The following PIGU variants were observed in gnomAD, a reference collection of about 807,000 sequenced individuals.
PIGU encodes phosphatidylinositol glycan anchor biosynthesis class U, also known as GPI-anchor transamidase component PIGU.
A neutral mutation model predicts 49.9 loss-of-function variants in PIGU; 24 were observed. The observed-to-expected ratio is 0.48, with a 90% confidence interval of 0.35 to 0.68. PIGU has a LOEUF of 0.68. Ranked by LOEUF, PIGU falls within the 30% of genes least tolerant of loss-of-function variation. The pLI is 0.01. For synonymous variants in PIGU, 220 were observed against 205.7 expected (o/e 1.07, Z -0.59); for missense variants, 490 against 532.6 (o/e 0.92, Z 0.79).
intron 7 of PIGU, among the ~76,000 whole-genome samples, chr20:34,610,464 A>ATGAGAATAAAATATC (rs1190870582): frequency 6.6e-6 from 1 of 152,218 alleles, no homozygotes; most frequent in Non-Finnish European, 1.5e-5. Context: ...AATTGCTACA[A>ATGAGAATAAAATATC]TGAGAATAAA....
chr20:34,650,956 C>T (rs181430026), intron 2 of PIGU, among the ~76,000 whole-genome samples: 3 of 150,854 alleles, frequency 2.0e-5, no homozygotes, highest in Non-Finnish European at 3.0e-5. Flanking sequence ...TCAGGTGATC[C>T]GCCAGCCTCG....
intron 11 of PIGU, among the ~76,000 whole-genome samples, chr20:34,568,475 C>T (rs6120680): frequency 0.027 from 4,171 of 152,296 alleles, 215 homozygotes; most frequent in African/African-American, 0.095. Context: ...ACACACAGAC[C>T]TGGGATCTTG....
Position 34,593,528 on chromosome 20 carries a change from T to C in PIGU, c.628-4921A>G, listed in dbSNP as rs902817606. Among the ~76,000 whole-genome samples the C allele has an allele frequency of 2.6e-5, 4 of 152,182 alleles. No individual in the cohort carries two copies. In the South Asian group the frequency reaches 6.2e-4, roughly 24 times the overall value. On this transcript the variant is annotated intron_variant, in intron 7 of 11. Coordinates refer to ENST00000217446, the MANE Select transcript of PIGU (RefSeq NM_080476.5). ...CAATATTGGCTCGTTAATAGAGAAG[T>C]AGACTAGTAGAATAAAACAGAAAGT...
At chr20:34,634,867 G>A (rs1435235403) in intron 5 of PIGU, 152 bp from the exon 6 acceptor site, 1 of 1,357,726 alleles carries the variant, frequency 7.4e-7, no homozygotes, top group African/African-American at 1.5e-5. Context: ...AGAATAGAGT[G>A]GGGGTTGAGG....
chr20:34,581,552 G>A lies in PIGU; in HGVS notation c.1047C>T (p.Tyr349=), dbSNP rs755794903. ...MAFFPVWNHL[Y]RFLRNIFVLT... is the part of the protein sequence containing the mutation. The stretch of plus-strand genomic sequence containing the variant: ...GGCAGAGGCGGGAGTACTCACATCT[G>A]TAGAGATGGTTCCACACGGGGAAGA... The change falls in exon 10 of 12, where the codon TAC becomes TAT. Residue 349 remains tyrosine, a synonymous_variant. Coordinates refer to ENST00000217446, the MANE Select transcript of PIGU (RefSeq NM_080476.5). 43 of 1,612,362 alleles carry A rather than the reference G, an allele frequency of 2.7e-5. No homozygotes were observed. Among genetic ancestry groups the A allele is most frequent in the Non-Finnish European group, 3.5e-5 (41 of 1,179,354 alleles).
chr20:34,666,153 T>TCC (rs1285258430), intron 1 of PIGU, among the ~76,000 whole-genome samples: 6 of 151,774 alleles, frequency 4.0e-5, no homozygotes, highest in African/African-American at 1.2e-4. Context: ...GCCACTGTAC[T>TCC]CCAGCCCGGG....
chr20:34,602,153 G>T (rs1015243175), intron 7 of PIGU, among the ~76,000 whole-genome samples: 19 of 152,098 alleles, frequency 1.2e-4, no homozygotes, highest in Non-Finnish European at 7.4e-5. Flanking sequence ...GTGGTGGTAG[G>T]TGCCTGTAAT....
chr20:34,622,518 A>G (rs1235242135), intron 6 of PIGU, among the ~76,000 whole-genome samples: 1 of 151,432 alleles, frequency 6.6e-6, no homozygotes, highest in Admixed American at 6.6e-5. Context: ...GTCCGTCTCA[A>G]AAAAAACAAA....
rs1380910980 is a variant in PIGU at position 34,580,130 on chromosome 20, G to T, written c.1051+1418C>A. 2.0e-5 allele frequency among the ~76,000 whole-genome samples: 3 copies of T among 152,344 alleles called. No individual in the cohort carries two copies. In the East Asian group the frequency reaches 5.8e-4, roughly 29 times the overall value. ...AAAGACAGTCACTGAGAGAGAAAGA[G>T]TGCCCAGTGTGGGATGGGCAACCAC... is the stretch of plus-strand genomic sequence containing the variant. On this transcript the variant is annotated intron_variant, in intron 10 of 11. Transcript: ENST00000217446.
At position 34,585,585 on chromosome 20, in the gene PIGU, A is replaced by C. The variant is rs1226462993; in HGVS notation, c.783-5T>G. The C allele has an allele frequency of 6.2e-7, 1 of 1,611,914 alleles. No homozygotes were observed. The highest frequency in any genetic ancestry group is 1.1e-5 in the South Asian group (1 of 90,944). On this transcript the variant is annotated splice_region_variant and splice_polypyrimidine_tract_variant and intron_variant, in intron 8 of 11. Coordinates refer to ENST00000217446, the MANE Select transcript of PIGU (RefSeq NM_080476.5). ...GTGAGATCTGGAACAGAAAGTCTGG[A>C]ATTAAGAAAACAAAGGGAGAGAAAA...
At chr20:34,630,592 A>C (rs73902665) in intron 6 of PIGU, among the ~76,000 whole-genome samples, 10,236 of 152,180 alleles carry the variant, frequency 0.067, 1,109 homozygotes, top group African/African-American at 0.23. Context: ...ATCCACCAAC[A>C]AGCCCTGCCC....
At chr20:34,674,521 C>T (rs1039424235) in intron 1 of PIGU, among the ~76,000 whole-genome samples, 2 of 152,162 alleles carry the variant, frequency 1.3e-5, no homozygotes, top group Non-Finnish European at 2.9e-5. Flanking sequence ...GTAACCAGAT[C>T]CTATGCTTTC....
At chr20:34,567,765 C>G (rs1389436673) in intron 11 of PIGU, among the ~76,000 whole-genome samples, 1 of 152,070 alleles carries the variant, frequency 6.6e-6, no homozygotes, top group African/African-American at 2.4e-5. Context: ...ACTGAGCTCC[C>G]AGCAGCACGG....
intron 11 of PIGU, 113 bp from the exon 12 acceptor site, chr20:34,561,092 G>T: frequency 1.4e-6 from 1 of 716,272 alleles, no homozygotes; most frequent in Non-Finnish European, 2.3e-6. Flanking sequence ...CCTGGCTCTG[G>T]ATCACAATCA....
intron 6 of PIGU, among the ~76,000 whole-genome samples, chr20:34,622,010 G>A (rs890576256): frequency 2.6e-5 from 4 of 152,132 alleles, no homozygotes; most frequent in African/African-American, 9.7e-5. Flanking sequence ...GTGTGCTGGG[G>A]TGGGGCTGTG....
chr20:34,639,332 C>T (rs937190630), intron 4 of PIGU, among the ~76,000 whole-genome samples: 2 of 152,176 alleles, frequency 1.3e-5, no homozygotes, highest in South Asian at 2.1e-4. Context: ...ACCCGGGAGG[C>T]GGAGCTTGCA....
intron 4 of PIGU, 133 bp downstream of exon 4, chr20:34,644,031 A>G (rs976244817): frequency 1.3e-6 from 1 of 764,844 alleles, no homozygotes; most frequent in African/African-American, 1.7e-5. Context: ...AGCTGGCTGA[A>G]CAGGCCAGAA....
intron 6 of PIGU, 71 bp downstream of exon 6, chr20:34,634,544 C>G (rs1600646779): frequency 1.4e-6 from 2 of 1,440,828 alleles, no homozygotes; most frequent in African/African-American, 2.9e-5. Flanking sequence ...AAAACAAAAC[C>G]ACAGCACAAG....
chr20:34,659,113 C>A (rs1483386639), intron 1 of PIGU, among the ~76,000 whole-genome samples: 6 of 131,702 alleles, frequency 4.6e-5, no homozygotes, highest in Non-Finnish European at 6.6e-5. Flanking sequence ...CCGCCCCGTC[C>A]GGGAGGTGAG....
Sources: gnomAD v4.1 joint callset for allele counts (sites outside exome capture counted in the v4.1 genomes callset) on GRCh38, gnomAD v4.1.1 for gene constraint, MANE v1.5 for transcripts, NCBI Gene and HGNC (gene_info 2026-07-23, HGNC 2026-07-21) for gene names.